Variants in VPS13B observed in about 807,000 individuals in gnomAD.
VPS13B encodes the protein intermembrane lipid transfer protein VPS13B.
VPS13B carries 285 observed loss-of-function variants against 426.4 expected under a neutral mutation model. The observed-to-expected ratio is 0.67, with a 90% confidence interval of 0.61 to 0.74. The LOEUF is 0.74. Among genes scored for constraint, VPS13B ranks in the 30% least tolerant of loss-of-function variants. The pLI is 0.00. For synonymous variants in VPS13B, 1,676 were observed against 1,676.4 expected (o/e 1.00, Z 0.01); for missense variants, 4,537 against 4,782.6 (o/e 0.95, Z 1.51).
intron 17 of VPS13B, among the ~76,000 whole-genome samples, chr8:99,244,191 A>G (rs1817078640): frequency 6.6e-6 from 1 of 152,276 alleles, no homozygotes; most frequent in South Asian, 2.1e-4. Context: ...TCAGATCACT[A>G]AATAGGTTTA....
chr8:99,135,271 C>A, intron 10 of VPS13B, 134 bp downstream of exon 10: 6 of 1,340,042 alleles, frequency 4.5e-6, no homozygotes, highest in Non-Finnish European at 2.0e-6. Context: ...CTATTTCTCC[C>A]TGTGTTTCAC....
chr8:99,575,450 C>G (rs986514591), intron 31 of VPS13B, among the ~76,000 whole-genome samples: 1 of 152,074 alleles, frequency 6.6e-6, no homozygotes, highest in Non-Finnish European at 1.5e-5. Flanking sequence ...CTTAATTACA[C>G]CTTAATTTCT....
intron 35 of VPS13B, among the ~76,000 whole-genome samples, chr8:99,692,642 G>A (rs1428056174): frequency 7.9e-6 from 1 of 126,436 alleles, no homozygotes; most frequent in Non-Finnish European, 1.6e-5. Flanking sequence ...AACTAGAAAA[G>A]CAAGAGCAAA....
chr8:99,361,752 A>T (rs1323908046), intron 19 of VPS13B, among the ~76,000 whole-genome samples: 4 of 152,224 alleles, frequency 2.6e-5, no homozygotes, highest in Non-Finnish European at 4.4e-5. Context: ...ATGCCTGTAT[A>T]GGAAAGCTGA....
At chr8:99,428,542 A>G (rs1416558443) in intron 21 of VPS13B, among the ~76,000 whole-genome samples, 1 of 152,238 alleles carries the variant, frequency 6.6e-6, no homozygotes, top group Non-Finnish European at 1.5e-5. Flanking sequence ...AATGCTCATC[A>G]TCACTGGCCA....
Position 99,766,990 on chromosome 8 carries a change from T to C in VPS13B, c.7247+20T>C, listed in dbSNP as rs777675837. 1 of 1,609,470 alleles carries C rather than the reference T, an allele frequency of 6.2e-7. No individual in the cohort carries two copies. The highest frequency in any genetic ancestry group is 1.1e-5 in the South Asian group (1 of 90,976). On this transcript the variant is annotated intron_variant, in intron 40 of 61. Transcript: ENST00000357162. The stretch of plus-strand genomic sequence containing the variant: ...CCAAAGGTAATTCATTGAAAGATGA[T>C]ATGGTAGCATTACACTGGGAAACAA...
chr8:99,107,015 T>C (rs1253726848), intron 5 of VPS13B, among the ~76,000 whole-genome samples: 1 of 152,228 alleles, frequency 6.6e-6, no homozygotes, highest in Non-Finnish European at 1.5e-5. Flanking sequence ...GGTGGACATA[T>C]ACATACATTT....
At chr8:99,774,749 A>T (rs758523421) in intron 40 of VPS13B, among the ~76,000 whole-genome samples, 1 of 152,230 alleles carries the variant, frequency 6.6e-6, no homozygotes, top group South Asian at 2.1e-4. Flanking sequence ...CTCTTTCTGA[A>T]TAAATACAAG....
At chr8:99,213,815 G>T (rs1015653664) in intron 17 of VPS13B, among the ~76,000 whole-genome samples, 2 of 116,656 alleles carry the variant, frequency 1.7e-5, no homozygotes, top group East Asian at 4.5e-4. Flanking sequence ...TCAGTTGCTG[G>T]ATGCCTTTTT....
chr8:99,127,691 T>C (rs1356229175), intron 8 of VPS13B, among the ~76,000 whole-genome samples: 1 of 152,156 alleles, frequency 6.6e-6, no homozygotes, highest in Non-Finnish European at 1.5e-5. Flanking sequence ...CTCTGAGGAG[T>C]TTTGTTTATT....
At chr8:99,465,549 C>G (rs3105202) in intron 23 of VPS13B, among the ~76,000 whole-genome samples, 40,957 of 151,556 alleles carry the variant, frequency 0.27, 6,336 homozygotes, top group East Asian at 0.44. Flanking sequence ...TTAATCTGGT[C>G]CCCTTCCATC....
intron 17 of VPS13B, among the ~76,000 whole-genome samples, chr8:99,198,598 A>G (rs1814089308): frequency 6.6e-6 from 1 of 152,140 alleles, no homozygotes; most frequent in Admixed American, 6.5e-5. Context: ...TTGATTAGGT[A>G]AGTGACAACA....
At chr8:99,074,035 TG>T (rs1343687126) in intron 3 of VPS13B, among the ~76,000 whole-genome samples, 5 of 152,298 alleles carry the variant, frequency 3.3e-5, no homozygotes. Context: ...CCCAAAGTAC[TG>T]GGATTACAGG....
intron 59 of VPS13B, among the ~76,000 whole-genome samples, chr8:99,870,260 C>G (rs1227573526): frequency 6.6e-6 from 1 of 152,154 alleles, no homozygotes; most frequent in East Asian, 1.9e-4. Context: ...CCTCCAACTC[C>G]TGGGCTCAAG....
At chr8:99,682,467 A>G (rs956203868) in intron 35 of VPS13B, among the ~76,000 whole-genome samples, 5 of 152,220 alleles carry the variant, frequency 3.3e-5, no homozygotes, top group African/African-American at 1.2e-4. Flanking sequence ...AGTAATTTGC[A>G]GATATTTTCT....
chr8:99,608,728 T>A (rs1027003866), intron 33 of VPS13B, among the ~76,000 whole-genome samples: 1 of 152,176 alleles, frequency 6.6e-6, no homozygotes, highest in African/African-American at 2.4e-5. Context: ...TCTGGGCATT[T>A]GATGTAAATG....
At chr8:99,664,725 C>T (rs1047483334) in intron 35 of VPS13B, among the ~76,000 whole-genome samples, 2 of 152,270 alleles carry the variant, frequency 1.3e-5, no homozygotes, top group East Asian at 3.9e-4. Flanking sequence ...CGTTGTTGGA[C>T]ATTCAGGTTG....
chr8:99,501,285 T>C (rs1352436183), intron 25 of VPS13B, among the ~76,000 whole-genome samples: 1 of 152,206 alleles, frequency 6.6e-6, no homozygotes, highest in Non-Finnish European at 1.5e-5. Context: ...ACTACTCAAC[T>C]CTGCTGAAAA....
Position 99,853,922 on chromosome 8 carries a change from A to C in VPS13B, c.10533A>C (p.Thr3511=). 1 of 1,614,264 alleles carries C rather than the reference A, an allele frequency of 6.2e-7. No individual in the cohort carries two copies. Among genetic ancestry groups the C allele is most frequent in the Non-Finnish European group, 8.5e-7 (1 of 1,180,048 alleles). ...CTGCTCGGTTATACGTGGAAGACAC[A>C]TTTGTATACTACATCAAGACTTTGT... is the stretch of plus-strand genomic sequence containing the variant. ...LKPARLYVED[T]FVYYIKTLFD... is the part of the protein sequence containing the mutation. Residue 3511 remains threonine (T), a synonymous_variant, in exon 56 of 62, where the codon ACA becomes ACC. Coordinates refer to ENST00000357162, the MANE Select transcript of VPS13B (RefSeq NM_152564.5).
Sources: allele counts gnomAD v4.1 joint callset (sites outside exome capture counted in the v4.1 genomes callset), GRCh38; gene constraint gnomAD v4.1.1; transcripts MANE v1.5; gene names NCBI Gene and HGNC (gene_info 2026-07-23, HGNC 2026-07-21).